CACNA1A: variants seen among roughly 807,000 people sequenced by gnomAD.
CACNA1A encodes calcium voltage-gated channel subunit alpha1 A, also known as voltage-dependent P/Q-type calcium channel subunit alpha-1A.
CACNA1A carries 57 observed loss-of-function variants against 262.4 expected under a neutral mutation model. The observed-to-expected ratio is 0.22, with a 90% confidence interval of 0.18 to 0.27. The LOEUF (loss-of-function observed/expected upper bound fraction) is 0.27. Among genes scored for constraint, CACNA1A ranks in the 10% least tolerant of loss-of-function variants. CACNA1A has a pLI of 1.00. For missense variants in CACNA1A, 2,526 were observed against 3,562.8 expected, an observed-to-expected ratio of 0.71 and a Z score of 7.41; for synonymous variants, 1,431 against 1,419.3, an observed-to-expected ratio of 1.01 and a Z score of -0.18.
Position 13,241,542 on chromosome 19 carries a change from G to A in CACNA1A, c.4950+3640C>T. The stretch of plus-strand genomic sequence containing the variant: ...CAACCGGATTCTAGATGCAGATGTT[G>A]AAGATGAGGGGGAGCGGGCGGGCGG... On this transcript the variant is annotated intron_variant, in intron 31 of 46. Transcript: ENST00000360228. This position sits in a 1 kb window ranked among gnomAD's most constrained non-coding sequence, Gnocchi z 4.0. The A allele has an allele frequency of 1.4e-6, 1 of 691,158 alleles. No individual in the cohort carries two copies. Among genetic ancestry groups the A allele is most frequent in the Non-Finnish European group, 2.3e-6 (1 of 442,430 alleles). 42.8% of individuals were successfully genotyped at this position (691,158 alleles called of 1,614,324 possible). A position where few individuals can be genotyped will look rare whatever the true frequency, so the allele number is the denominator to read the frequency against.
At chr19:13,249,757 G>A (rs1336367495) in intron 30 of CACNA1A, among the ~76,000 whole-genome samples, 1 of 152,112 alleles carries the variant, frequency 6.6e-6, no homozygotes, top group Admixed American at 6.6e-5. Context: ...TGAGGTGGAG[G>A]GGGAGGATGG....
intron 3 of CACNA1A, among the ~76,000 whole-genome samples, chr19:13,449,111 C>A (rs764001341): frequency 8.0e-5 from 12 of 150,336 alleles, no homozygotes; most frequent in Non-Finnish European, 1.8e-4. Context: ...GGACTACAGG[C>A]GTGCGTCATC....
chr19:13,259,778 G>T, intron 26 of CACNA1A, 77 bp from the exon 27 acceptor site: 1 of 1,511,826 alleles, frequency 6.6e-7, no homozygotes, highest in Non-Finnish European at 9.0e-7. Flanking sequence ...ATCAGAGACA[G>T]GGGGAGGGAA....
chr19:13,446,694 C>T (rs997257809), intron 3 of CACNA1A, among the ~76,000 whole-genome samples: 6 of 149,140 alleles, frequency 4.0e-5, no homozygotes, highest in Admixed American at 2.7e-4. Flanking sequence ...TGACTTCAAG[C>T]GATCTGCCCG....
At position 13,303,876 on chromosome 19, in the gene CACNA1A, C is replaced by T. The variant is rs376641545; in HGVS notation, c.1995G>A (p.Thr665=). 55 of 1,611,124 alleles carry T rather than the reference C, an allele frequency of 3.4e-5. No individual in the cohort carries two copies. In the African/African-American group the frequency reaches 5.1e-4, roughly 15 times the overall value. The change falls in exon 16 of 47, where the codon ACG becomes ACA. Residue 665 remains threonine, a synonymous_variant. Transcript: ENST00000360228. ...AAIMTVFQIL[T]GEDWNEVMYD... ...ACATGACCTCGTTCCAGTCTTCGCC[C>T]GTCAGGATCTGAAAGGGGAGGAAGA...
chr19:13,487,365 G>A (rs1391600779), intron 1 of CACNA1A, among the ~76,000 whole-genome samples: 3 of 152,080 alleles, frequency 2.0e-5, no homozygotes, highest in African/African-American at 4.8e-5. Context: ...CAGGGAGCTG[G>A]GCTTTCACAC....
intron 3 of CACNA1A, among the ~76,000 whole-genome samples, chr19:13,409,074 C>A (rs1355873279): frequency 6.6e-6 from 1 of 152,218 alleles, no homozygotes; most frequent in African/African-American, 2.4e-5. Flanking sequence ...GCCACTTTCT[C>A]ATTCACGCCA....
chr19:13,455,261 G>T, intron 1 of CACNA1A, 49 bp from the exon 2 acceptor site: 1 of 1,163,930 alleles, frequency 8.6e-7, no homozygotes, highest in Non-Finnish European at 1.3e-6. Context: ...GAAGGGTGTT[G>T]GAGGTGCACC....
chr19:13,233,468 CT>C (rs869273887), intron 34 of CACNA1A, among the ~76,000 whole-genome samples: 1 of 152,148 alleles, frequency 6.6e-6, no homozygotes, highest in Non-Finnish European at 1.5e-5. Flanking sequence ...ACCTCTGTAA[CT>C]TTTTTTAAAA....
At chr19:13,386,800 A>C (rs2059623192) in intron 3 of CACNA1A, among the ~76,000 whole-genome samples, 1 of 151,982 alleles carries the variant, frequency 6.6e-6, no homozygotes, top group African/African-American at 2.4e-5. Flanking sequence ...CTGAAGGAAA[A>C]AAAGAAAGAA....
chr19:13,446,212 C>A, intron 3 of CACNA1A, among the ~76,000 whole-genome samples: 1 of 139,350 alleles, frequency 7.2e-6, no homozygotes, highest in Non-Finnish European at 1.5e-5. Flanking sequence ...GAGGTGGAGG[C>A]TACAGTGAGC....
At chr19:13,386,941 C>A (rs1415068134) in intron 3 of CACNA1A, among the ~76,000 whole-genome samples, 1 of 152,122 alleles carries the variant, frequency 6.6e-6, no homozygotes, top group East Asian at 1.9e-4. Flanking sequence ...CTGCAACCAA[C>A]CTCCTGGCCT....
intron 10 of CACNA1A, among the ~76,000 whole-genome samples, chr19:13,322,596 CTT>C (rs57995542): frequency 2.0e-4 from 29 of 147,608 alleles, no homozygotes; most frequent in African/African-American, 6.2e-4. Flanking sequence ...TATGATTTGT[CTT>C]TTTTTTTTTT....
intron 1 of CACNA1A, among the ~76,000 whole-genome samples, chr19:13,491,003 A>AG (rs201035471): frequency 0.018 from 2,788 of 151,904 alleles, 139 homozygotes; most frequent in East Asian, 0.17. Context: ...GAAGGAAGGA[A>AG]GAAAGGAAGG....
chr19:13,501,419 C>T lies in CACNA1A; in HGVS notation c.293+4513G>A, dbSNP rs575185032. On this transcript the variant is annotated intron_variant, in intron 1 of 46. Transcript: ENST00000360228. ...TCGAACTCCTGACCTCATGATCCAC[C>T]GGCCTCAGCCTCCCAAAGTGCTGGG... is the stretch of plus-strand genomic sequence containing the variant. Among the ~76,000 whole-genome samples, 5 of 152,110 alleles carry T rather than the reference C, an allele frequency of 3.3e-5. No individual in the cohort carries two copies. In the South Asian group the frequency reaches 6.2e-4, roughly 19 times the overall value.
chr19:13,416,715 T>C (rs2060228747), intron 3 of CACNA1A, among the ~76,000 whole-genome samples: 1 of 152,104 alleles, frequency 6.6e-6, no homozygotes. Context: ...CTCAGGAGGC[T>C]GAGGCAAGAG....
chr19:13,426,352 C>T (rs1015652048), intron 3 of CACNA1A, among the ~76,000 whole-genome samples: 1 of 152,140 alleles, frequency 6.6e-6, no homozygotes, highest in African/African-American at 2.4e-5. Flanking sequence ...GGGGGCGTTT[C>T]TACCCTCCAT....
chr19:13,332,458 T>A (rs976040259), intron 9 of CACNA1A, among the ~76,000 whole-genome samples: 3 of 151,974 alleles, frequency 2.0e-5, no homozygotes, highest in African/African-American at 4.8e-5. Flanking sequence ...GTTTCTAACA[T>A]GGGAGACAGC....
intron 3 of CACNA1A, among the ~76,000 whole-genome samples, chr19:13,427,233 C>T (rs1599428748): frequency 6.6e-6 from 1 of 152,018 alleles, no homozygotes. Context: ...GGGCGGATCA[C>T]CTGAGGTCAG....
Sources: allele counts gnomAD v4.1 joint callset (sites outside exome capture counted in the v4.1 genomes callset), GRCh38; gene constraint gnomAD v4.1.1; non-coding constraint Gnocchi (gnomAD v3.1); transcripts MANE v1.5; gene names NCBI Gene and HGNC (gene_info 2026-07-23, HGNC 2026-07-21).